Variants in NDE1 observed in about 807,000 individuals in gnomAD.
The protein encoded by NDE1 is nudE neurodevelopment protein 1.
A neutral mutation model predicts 43.4 loss-of-function variants in NDE1; 28 were observed. The ratio of observed to expected loss-of-function variants is 0.65; its 90% confidence interval spans 0.48 to 0.89. The LOEUF (loss-of-function observed/expected upper bound fraction) is 0.89, where lower values mean the gene tolerates loss of function less well. Among genes scored for constraint, NDE1 ranks in the 40% least tolerant of loss-of-function variants. The probability of loss-of-function intolerance (pLI) is 0.00; values close to 1 mark genes in which losing one functional copy is unlikely to be tolerated. For synonymous variants in NDE1, 184 were observed against 172.0 expected, an observed-to-expected ratio of 1.07 and a Z score of -0.55; for missense variants, 441 against 434.1, an observed-to-expected ratio of 1.02 and a Z score of -0.14.
chr16:15,694,997 C>T (rs2038941598), intron 7 of NDE1: 1 of 806,884 alleles, frequency 1.2e-6, no homozygotes, highest in Non-Finnish European at 1.5e-6. Context: ...ATGGTGAAAC[C>T]CCCTGCCCCG....
At chr16:15,650,232 C>A, upstream of NDE1, 1 of 262,426 alleles carries the variant, frequency 3.8e-6, no homozygotes, top group Non-Finnish European at 7.7e-6. Context: ...GGGCCGGGGC[C>A]GCACCGCCCT....
At position 15,717,620 on chromosome 16, in the gene NDE1, C is replaced by T. The variant is rs555364349; in HGVS notation, c.948-6571C>T. 1.8e-3 allele frequency: 989 copies of T among 564,422 alleles called. 1 individual carries two copies. The highest frequency in any genetic ancestry group is 2.2e-3 in the South Asian group (103 of 46,252). The allele number at this position is 564,422 out of a possible 1,614,324, so 35.0% of individuals were successfully genotyped here. On this transcript the variant is annotated intron_variant, in intron 8 of 8. Coordinates refer to ENST00000396354, the MANE Select transcript of NDE1 (RefSeq NM_017668.3). ...GACCTGCCTGGCCAACATGGTGAAACCCCGTCTCTATTAAAAATACAAAAA... is the reference window on the plus strand; with the variant it reads ...GACCTGCCTGGCCAACATGGTGAAATCCCGTCTCTATTAAAAATACAAAAA...
At chr16:15,707,567 C>T (rs565815751) in intron 8 of NDE1, among the ~76,000 whole-genome samples, 22 of 152,326 alleles carry the variant, frequency 1.4e-4, no homozygotes, top group African/African-American at 5.1e-4. Context: ...AGACCTCACC[C>T]TGCGCTTTAA....
At chr16:15,657,173 C>G (rs959521971) in intron 1 of NDE1, among the ~76,000 whole-genome samples, 1 of 152,014 alleles carries the variant, frequency 6.6e-6, no homozygotes, top group East Asian at 1.9e-4. Flanking sequence ...TCTTGGCTCA[C>G]TGCAACCTCC....
chr16:15,707,348 G>C (rs531207121), intron 8 of NDE1, among the ~76,000 whole-genome samples: 1 of 152,106 alleles, frequency 6.6e-6, no homozygotes, highest in African/African-American at 2.4e-5. Context: ...GATTCTATTC[G>C]TGGACTCAGC....
intron 4 of NDE1, among the ~76,000 whole-genome samples, chr16:15,682,222 C>G (rs963648213): frequency 2.6e-5 from 4 of 152,146 alleles, no homozygotes; most frequent in African/African-American, 9.7e-5. Flanking sequence ...GACAAGGTCT[C>G]TCTCTGTCGC....
Position 15,696,944 on chromosome 16 carries a change from A to G in NDE1, c.947+84A>G, listed in dbSNP as rs767483072. The G allele has an allele frequency of 9.6e-6, 15 of 1,570,176 alleles. No homozygotes were observed. In the South Asian group the frequency reaches 1.1e-4, roughly 12 times the overall value. On this transcript the variant is annotated intron_variant, in intron 8 of 8. Coordinates refer to ENST00000396354, the MANE Select transcript of NDE1 (RefSeq NM_017668.3). ...AGACACTCACCCCCAGCCCACAGCC[A>G]TGTGTCTTTTTAAATTATAGGATTA... is the stretch of plus-strand genomic sequence containing the variant.
chr16:15,713,305 G>T (rs1397172802), intron 8 of NDE1: 1 of 152,092 alleles, frequency 6.6e-6, no homozygotes, highest in East Asian at 1.9e-4. Flanking sequence ...TGAGGCAGTG[G>T]GAGCTTGTGC....
chr16:15,694,519 C>G, intron 7 of NDE1: 11 of 781,494 alleles, frequency 1.4e-5, no homozygotes, highest in Non-Finnish European at 1.7e-5. Context: ...CTGATACTTT[C>G]ATTTTTTTGT....
chr16:15,681,613 A>G (rs1307611488), intron 4 of NDE1, among the ~76,000 whole-genome samples: 3 of 151,906 alleles, frequency 2.0e-5, no homozygotes, highest in Non-Finnish European at 2.9e-5. Flanking sequence ...CATGATTTCT[A>G]GGAGATTTTT....
At chr16:15,720,112 C>T (rs1326560173) in intron 8 of NDE1, 1 of 1,613,854 alleles carries the variant, frequency 6.2e-7, no homozygotes, top group Non-Finnish European at 8.5e-7. Flanking sequence ...GAACTGTGCC[C>T]TCCCTCCACC....
At chr16:15,676,306 T>G (rs2037878346) in intron 3 of NDE1, among the ~76,000 whole-genome samples, 1 of 148,300 alleles carries the variant, frequency 6.7e-6, no homozygotes, top group Non-Finnish European at 1.5e-5. Context: ...GCCTCCCGTG[T>G]TCAAGCGATT....
chr16:15,686,583 C>CG lies in NDE1; in HGVS notation c.387-789dup, dbSNP rs542450666. On this transcript the variant is annotated intron_variant, in intron 4 of 8. Coordinates refer to ENST00000396354, the MANE Select transcript of NDE1 (RefSeq NM_017668.3). ...ATCTCAGTAACTCAGGAGGCTGAGGCGGGAGGATCTCTTGAGCCCAAGAGT... is the reference window on the plus strand; with the variant it reads ...ATCTCAGTAACTCAGGAGGCTGAGGCGGGGAGGATCTCTTGAGCCCAAGAGT... 2,261 of 973,684 alleles carry CG rather than the reference C, an allele frequency of 2.3e-3. 6 individuals carry two copies. Among genetic ancestry groups the CG allele is most frequent in the Non-Finnish European group, 2.5e-3 (2,080 of 819,428 alleles). 60.3% of individuals were successfully genotyped at this position (973,684 alleles called of 1,614,324 possible).
At chr16:15,655,826 G>A (rs1175944054) in intron 1 of NDE1, among the ~76,000 whole-genome samples, 1 of 151,860 alleles carries the variant, frequency 6.6e-6, no homozygotes, top group Non-Finnish European at 1.5e-5. Context: ...CATGTCCTTT[G>A]TAGGGACATG....
chr16:15,717,776 A>T, intron 8 of NDE1: 1 of 276,926 alleles, frequency 3.6e-6, no homozygotes, highest in Non-Finnish European at 7.0e-6. Context: ...AGCCTGGGCC[A>T]CAGAGAGACC....
chr16:15,723,792 A>G (rs1169712360), intron 8 of NDE1, among the ~76,000 whole-genome samples: 1 of 152,220 alleles, frequency 6.6e-6, no homozygotes. Context: ...GAGTGGTATT[A>G]AAAGTATAGA....
intron 2 of NDE1, among the ~76,000 whole-genome samples, chr16:15,666,905 A>G (rs2037335193): frequency 6.6e-6 from 1 of 152,106 alleles, no homozygotes; most frequent in South Asian, 2.1e-4. Flanking sequence ...TACTTTCTTT[A>G]TTCTAGTTTG....
intron 1 of NDE1, among the ~76,000 whole-genome samples, chr16:15,656,532 T>TTAC (rs1274516625): frequency 6.6e-6 from 1 of 151,704 alleles, no homozygotes; most frequent in Non-Finnish European, 1.5e-5. Context: ...ATTATTATTA[T>TTAC]TATTATTATT....
At chr16:15,695,790 C>A in intron 7 of NDE1, 1 of 824,322 alleles carries the variant, frequency 1.2e-6, no homozygotes, top group Non-Finnish European at 1.5e-6. Context: ...GTCTGCATTT[C>A]AGTATTTAGC....
Sources: allele counts gnomAD v4.1 joint callset (sites outside exome capture counted in the v4.1 genomes callset), GRCh38; gene constraint gnomAD v4.1.1; transcripts MANE v1.5; gene names NCBI Gene and HGNC (gene_info 2026-07-23, HGNC 2026-07-21).